Variants in TMEM38B observed in about 807,000 individuals in gnomAD.
The protein encoded by TMEM38B is trimeric intracellular cation channel type B.
Under a neutral mutation model 28.7 loss-of-function variants are expected in TMEM38B, and 24 were observed. That is an observed-to-expected ratio of 0.84 (90% confidence interval 0.61 to 1.18). TMEM38B has a LOEUF of 1.18. Ranked by LOEUF, TMEM38B falls within the 50% of genes most tolerant of loss-of-function variation. The pLI, the probability that TMEM38B is intolerant of heterozygous loss-of-function variation, is 0.00. For synonymous variants in TMEM38B, 131 were observed against 127.7 expected (o/e 1.03, Z -0.17); for missense variants, 380 against 350.9 (o/e 1.08, Z -0.66).
At chr9:105,763,506 C>A (rs1215922207) in intron 5 of TMEM38B, among the ~76,000 whole-genome samples, 1 of 152,184 alleles carries the variant, frequency 6.6e-6, no homozygotes, top group East Asian at 1.9e-4. Context: ...TTCCTCGACA[C>A]ATACACTCTC....
At chr9:105,769,492 T>C (rs1477789028) in intron 5 of TMEM38B, among the ~76,000 whole-genome samples, 1 of 152,116 alleles carries the variant, frequency 6.6e-6, no homozygotes, top group Non-Finnish European at 1.5e-5. Flanking sequence ...ATTTTTGTAT[T>C]TTTTGTACAA....
intron 2 of TMEM38B, among the ~76,000 whole-genome samples, chr9:105,714,342 A>G (rs1249132087): frequency 6.6e-6 from 1 of 152,190 alleles, no homozygotes; most frequent in Non-Finnish European, 1.5e-5. Flanking sequence ...ACTTGTCTGA[A>G]TACTTCATTC....
At chr9:105,730,195 TATG>T (rs1483692555) in intron 4 of TMEM38B, among the ~76,000 whole-genome samples, 1 of 152,206 alleles carries the variant, frequency 6.6e-6, no homozygotes, top group African/African-American at 2.4e-5. Context: ...GCCCATTCAG[TATG>T]ATACTGGCTG....
At chr9:105,696,155 G>A (rs1169969905) in intron 1 of TMEM38B, among the ~76,000 whole-genome samples, 1 of 152,162 alleles carries the variant, frequency 6.6e-6, no homozygotes, top group Admixed American at 6.5e-5. Context: ...TGTAACAGAA[G>A]GAAGTAGATA....
intron 5 of TMEM38B, among the ~76,000 whole-genome samples, chr9:105,765,020 G>T (rs1363688818): frequency 6.6e-6 from 1 of 152,188 alleles, no homozygotes; most frequent in Admixed American, 6.5e-5. Context: ...GGGACAACTG[G>T]CTAGCCATAT....
At chr9:105,768,347 A>AT (rs1247563715) in intron 5 of TMEM38B, among the ~76,000 whole-genome samples, 1 of 151,806 alleles carries the variant, frequency 6.6e-6, no homozygotes, top group African/African-American at 2.4e-5. Context: ...ATTTTCAAGG[A>AT]TTTTTTTCCA....
At chr9:105,743,665 T>C (rs1489879608) in intron 4 of TMEM38B, among the ~76,000 whole-genome samples, 1 of 152,182 alleles carries the variant, frequency 6.6e-6, no homozygotes, top group Non-Finnish European at 1.5e-5. Flanking sequence ...TGCAGATGGC[T>C]TTTATTGTTT....
intron 2 of TMEM38B, among the ~76,000 whole-genome samples, chr9:105,711,302 G>C (rs57269713): frequency 3.3e-5 from 5 of 151,722 alleles, no homozygotes; most frequent in African/African-American, 4.8e-5. Flanking sequence ...TTAGCTGAGC[G>C]TGGTGGCCTG....
At chr9:105,747,922 T>C (rs1837486232) in intron 4 of TMEM38B, 151 bp from the exon 5 acceptor site, 1 of 559,216 alleles carries the variant, frequency 1.8e-6, no homozygotes. Flanking sequence ...CTCAGCACTT[T>C]CAACACTTTT....
intron 2 of TMEM38B, among the ~76,000 whole-genome samples, chr9:105,720,614 C>T (rs1836280127): frequency 6.6e-6 from 1 of 152,026 alleles, no homozygotes; most frequent in South Asian, 2.1e-4. Context: ...GCAAACATTT[C>T]ATATTTCATG....
chr9:105,760,136 T>C, intron 5 of TMEM38B: 1 of 882,642 alleles, frequency 1.1e-6, no homozygotes, highest in Non-Finnish European at 1.9e-6. Flanking sequence ...TTGTGTCGTT[T>C]GTTACTTCCG....
intron 5 of TMEM38B, among the ~76,000 whole-genome samples, chr9:105,764,969 C>G (rs1481110537): frequency 6.6e-6 from 1 of 152,142 alleles, no homozygotes; most frequent in African/African-American, 2.4e-5. Context: ...CTGAGAAAAA[C>G]AAGCAATGGG....
In TMEM38B at chr9:105,694,587, CT is replaced by C; in HGVS notation, c.-73del. On this transcript the variant is annotated 5_prime_UTR_variant, in exon 1 of 6. Coordinates refer to ENST00000374692, the MANE Select transcript of TMEM38B (RefSeq NM_018112.3). Reference sequence around the variant, plus strand: ...GAGCGGGCGGCCGCGGCTGTGCCCTCTCCTACTCCTCACCGCGCGAGCGCGG... The same window carrying C: ...GAGCGGGCGGCCGCGGCTGTGCCCTCCCTACTCCTCACCGCGCGAGCGCGG... The C allele has an allele frequency of 2.3e-6, 3 of 1,279,992 alleles. No homozygotes were observed. Among genetic ancestry groups the C allele is most frequent in the Non-Finnish European group, 3.4e-6 (3 of 884,790 alleles). 79.3% of individuals were successfully genotyped at this position (1,279,992 alleles called of 1,614,324 possible). A position where few individuals can be genotyped will look rare whatever the true frequency, so the allele number is the denominator to read the frequency against.
intron 2 of TMEM38B, among the ~76,000 whole-genome samples, chr9:105,716,141 T>C (rs1469510948): frequency 1.3e-5 from 2 of 152,174 alleles, no homozygotes; most frequent in African/African-American, 4.8e-5. Flanking sequence ...TCTGTTCTAT[T>C]CTGCTCAGGT....
At chr9:105,705,440 G>A (rs1035486972) in intron 1 of TMEM38B, among the ~76,000 whole-genome samples, 157 bp from the exon 2 acceptor site, 9 of 152,068 alleles carry the variant, frequency 5.9e-5, no homozygotes, top group Non-Finnish European at 1.0e-4. Context: ...AAGAATAAAA[G>A]GTATGATTTT....
intron 5 of TMEM38B, chr9:105,758,791 C>A (rs57544538): frequency 0.015 from 12,389 of 836,706 alleles, 376 homozygotes; most frequent in African/African-American, 0.1. Flanking sequence ...TTACATTTAT[C>A]TCAGGAAAAT....
At chr9:105,757,033 G>A (rs1003076774) in intron 5 of TMEM38B, among the ~76,000 whole-genome samples, 6 of 152,076 alleles carry the variant, frequency 3.9e-5, no homozygotes, top group African/African-American at 1.4e-4. Context: ...TGTACCCAAT[G>A]TGTAGTCTTT....
chr9:105,774,734 T>G lies in TMEM38B; in HGVS notation c.*654T>G, dbSNP rs1228164964. Reference sequence around the variant, plus strand: ...TTACTACTTTTCATTTAGAACAGAGTATGAGTCTTAATCTGAAGTCTTTTT... The same window carrying G: ...TTACTACTTTTCATTTAGAACAGAGGATGAGTCTTAATCTGAAGTCTTTTT... On this transcript the variant is annotated 3_prime_UTR_variant, in exon 6 of 6. Coordinates refer to ENST00000374692, the MANE Select transcript of TMEM38B (RefSeq NM_018112.3). 1.3e-5 allele frequency: 2 copies of G among 151,968 alleles called. No homozygotes were observed. Among genetic ancestry groups the G allele is most frequent in the African/African-American group, 2.4e-5 (1 of 41,416 alleles). The allele number at this position is 151,968 out of a possible 1,614,324, so 9.4% of individuals were successfully genotyped here.
chr9:105,736,767 G>C (rs749007083), intron 4 of TMEM38B, among the ~76,000 whole-genome samples: 3 of 152,218 alleles, frequency 2.0e-5, no homozygotes, highest in Non-Finnish European at 4.4e-5. Context: ...CATAGGGAAA[G>C]GCTTTCACCT....
Sources: gnomAD v4.1 joint callset for allele counts (sites outside exome capture counted in the v4.1 genomes callset) on GRCh38, gnomAD v4.1.1 for gene constraint, MANE v1.5 for transcripts, NCBI Gene and HGNC (gene_info 2026-07-23, HGNC 2026-07-21) for gene names.